SLIT3: variants seen among roughly 807,000 people sequenced by gnomAD.
The protein encoded by SLIT3 is slit homolog 3 protein.
A neutral mutation model predicts 184.0 loss-of-function variants in SLIT3; 68 were observed. The ratio of observed to expected loss-of-function variants is 0.37; its 90% confidence interval spans 0.30 to 0.45. The LOEUF is 0.45. SLIT3 is among the 20% of genes least tolerant of loss of function. The pLI is 1.00. For synonymous variants in SLIT3, 831 were observed against 828.6 expected, an observed-to-expected ratio of 1.00 and a Z score of -0.05; for missense variants, 1,707 against 2,026.0, an observed-to-expected ratio of 0.84 and a Z score of 3.02.
chr5:169,045,039 C>T (rs1412858019), intron 4 of SLIT3, among the ~76,000 whole-genome samples: 1 of 152,184 alleles, frequency 6.6e-6, no homozygotes, highest in Non-Finnish European at 1.5e-5. Context: ...GATGAAGCAG[C>T]ACCAGAGATG....
intron 5 of SLIT3, among the ~76,000 whole-genome samples, chr5:168,856,095 T>G (rs1042626682): frequency 2.0e-5 from 3 of 151,978 alleles, no homozygotes; most frequent in Non-Finnish European, 2.9e-5. Flanking sequence ...GGTGACAGAG[T>G]GAGACTCCAT....
chr5:169,105,997 G>A (rs1403745506), intron 4 of SLIT3, among the ~76,000 whole-genome samples: 2 of 149,928 alleles, frequency 1.3e-5, no homozygotes, highest in African/African-American at 4.9e-5. Flanking sequence ...TGGGTCAAAT[G>A]GTATTTCTGC....
At chr5:168,975,957 C>G (rs920558869) in intron 4 of SLIT3, among the ~76,000 whole-genome samples, 5 of 152,152 alleles carry the variant, frequency 3.3e-5, no homozygotes, top group African/African-American at 1.2e-4. Flanking sequence ...CTGTAAAAGC[C>G]AAAGCAGGGA....
chr5:168,666,860 G>GAAAGGCACCTGTT, intron 35 of SLIT3, 171 bp from the exon 36 acceptor site: 3 of 1,095,070 alleles, frequency 2.7e-6, no homozygotes, highest in Non-Finnish European at 4.0e-6. Flanking sequence ...TTACAAACAG[G>GAAAGGCACCTGTT]TGCCTTTCCT....
At chr5:169,143,150 T>C (rs1761801509) in intron 4 of SLIT3, among the ~76,000 whole-genome samples, 1 of 152,240 alleles carries the variant, frequency 6.6e-6, no homozygotes, top group Admixed American at 6.5e-5. Flanking sequence ...AAGCAGATTA[T>C]GAAACATTTA....
intron 10 of SLIT3, 89 bp from the exon 11 acceptor site, chr5:168,789,720 C>T: frequency 1.1e-6 from 1 of 937,582 alleles, no homozygotes; most frequent in African/African-American, 1.6e-5. Flanking sequence ...TTCAGACATT[C>T]AAAATGGTAA....
intron 4 of SLIT3, among the ~76,000 whole-genome samples, chr5:168,900,910 T>C (rs1760843497): frequency 6.6e-6 from 1 of 152,304 alleles, no homozygotes; most frequent in East Asian, 1.9e-4. Context: ...AAACAATGTG[T>C]ACACATGGAC....
intron 16 of SLIT3, 133 bp downstream of exon 16, chr5:168,760,729 G>A (rs528022950): frequency 2.7e-5 from 18 of 668,808 alleles, no homozygotes; most frequent in Middle Eastern, 3.6e-4. Flanking sequence ...AGGCCACAGC[G>A]GGGCTGAGGA....
chr5:169,097,077 G>T (rs1270453881), intron 4 of SLIT3, among the ~76,000 whole-genome samples: 1 of 152,188 alleles, frequency 6.6e-6, no homozygotes, highest in East Asian at 1.9e-4. Flanking sequence ...TGCAATTTCA[G>T]GTAACAGAGC....
intron 26 of SLIT3, among the ~76,000 whole-genome samples, chr5:168,701,642 G>A (rs1762215981): frequency 6.6e-6 from 1 of 152,176 alleles, no homozygotes; most frequent in Non-Finnish European, 1.5e-5. Flanking sequence ...TTGGCCTTCT[G>A]GCTCCTGCTT....
chr5:168,867,193 A>T (rs1346203286), intron 5 of SLIT3, among the ~76,000 whole-genome samples: 3 of 152,212 alleles, frequency 2.0e-5, no homozygotes, highest in African/African-American at 7.2e-5. Context: ...GCTTGGAAAC[A>T]TTGCACGTGG....
chr5:168,826,792 C>T (rs535869706), intron 6 of SLIT3, among the ~76,000 whole-genome samples: 13 of 152,280 alleles, frequency 8.5e-5, no homozygotes, highest in Admixed American at 3.9e-4. Flanking sequence ...GACAGAGTCT[C>T]GCTGTGTCGC....
rs983661657 is a variant in SLIT3, at chr5:169,108,689, A to C, written c.413+84790T>G. Reference sequence around the variant, plus strand: ...AGCTTTGAGAAGGAAGTCCCTCCACATGCCATACTTCAGAAGGAAGATGTC... The same window carrying C: ...AGCTTTGAGAAGGAAGTCCCTCCACCTGCCATACTTCAGAAGGAAGATGTC... On this transcript the variant is annotated intron_variant, in intron 4 of 35. Coordinates refer to ENST00000519560, the MANE Select transcript of SLIT3 (RefSeq NM_003062.4). Among the ~76,000 whole-genome samples the C allele has an allele frequency of 1.6e-4, 25 of 152,254 alleles. 1 individual carries two copies. The highest frequency in any genetic ancestry group is 5.5e-4 in the African/African-American group (23 of 41,526).
rs532741649 is a variant in SLIT3 at position 169,055,078 on chromosome 5, T to C, written c.413+138401A>G. Among the ~76,000 whole-genome samples, 7 of 152,238 alleles carry C rather than the reference T, an allele frequency of 4.6e-5. No homozygotes were observed. In the East Asian group the frequency reaches 1.4e-3, roughly 29 times the overall value. ...GACTTTACAAAAACAAATGATTGGA[T>C]CACTGGTAAACTTCAATATGGTTGT... On this transcript the variant is annotated intron_variant, in intron 4 of 35. Coordinates refer to ENST00000519560, the MANE Select transcript of SLIT3 (RefSeq NM_003062.4).
chr5:169,075,822 A>T (rs1407398311), intron 4 of SLIT3, among the ~76,000 whole-genome samples: 1 of 152,228 alleles, frequency 6.6e-6, no homozygotes, highest in African/African-American at 2.4e-5. Flanking sequence ...CCATGCTAGT[A>T]AAGGCAGACC....
At chr5:168,968,969 A>T (rs1281578066) in intron 4 of SLIT3, among the ~76,000 whole-genome samples, 2 of 152,172 alleles carry the variant, frequency 1.3e-5, no homozygotes, top group Non-Finnish European at 2.9e-5. Flanking sequence ...GAATAGGGCA[A>T]AGCCTATTTG....
At chr5:169,130,672 T>G (rs2113313399) in intron 4 of SLIT3, among the ~76,000 whole-genome samples, 1 of 152,328 alleles carries the variant, frequency 6.6e-6, no homozygotes, top group Middle Eastern at 3.4e-3. Context: ...TAGTTCAATA[T>G]GTCATCCACT....
chr5:169,200,160 G>A (rs1376598329), intron 3 of SLIT3, among the ~76,000 whole-genome samples: 2 of 152,208 alleles, frequency 1.3e-5, no homozygotes, highest in Admixed American at 1.3e-4. Context: ...CCCTCCCTCA[G>A]GAAAGGGAAG....
At chr5:169,228,272 A>G (rs1764876933) in intron 3 of SLIT3, among the ~76,000 whole-genome samples, 1 of 152,164 alleles carries the variant, frequency 6.6e-6, no homozygotes, top group African/African-American at 2.4e-5. Context: ...CTGGAAGAAT[A>G]TTGGGGAGAG....
Sources: gnomAD v4.1 joint callset for allele counts (sites outside exome capture counted in the v4.1 genomes callset) on GRCh38, gnomAD v4.1.1 for gene constraint, MANE v1.5 for transcripts, NCBI Gene and HGNC (gene_info 2026-07-23, HGNC 2026-07-21) for gene names.